Variants in PRKG1 observed in about 807,000 individuals in gnomAD.
PRKG1 encodes cGMP-dependent protein kinase 1.
A neutral mutation model predicts 88.1 loss-of-function variants in PRKG1; 35 were observed. The observed-to-expected ratio is 0.40, with a 90% CI of 0.30 to 0.53. The LOEUF (loss-of-function observed/expected upper bound fraction) is 0.53, where lower values mean the gene tolerates loss of function less well. Among genes scored for constraint, PRKG1 ranks in the 20% least tolerant of loss-of-function variants. The pLI is 0.59. For missense variants in PRKG1, 540 were observed against 839.8 expected, an observed-to-expected ratio of 0.64 and a Z score of 4.41; for synonymous variants, 303 against 292.5, an observed-to-expected ratio of 1.04 and a Z score of -0.37.
intron 3 of PRKG1, among the ~76,000 whole-genome samples, chr10:51,572,003 TG>T (rs1230463203): frequency 6.6e-6 from 1 of 150,834 alleles, no homozygotes; most frequent in Non-Finnish European, 1.5e-5. Flanking sequence ...AGAGAGAAAA[TG>T]GGGTAAGGAT....
chr10:51,210,229 G>A (rs1407477424), intron 2 of PRKG1, among the ~76,000 whole-genome samples: 3 of 152,066 alleles, frequency 2.0e-5, no homozygotes, highest in Admixed American at 1.3e-4. Flanking sequence ...GGTACATAAC[G>A]AAATGAAGGC....
intron 4 of PRKG1, among the ~76,000 whole-genome samples, chr10:51,838,464 T>C (rs1840185286): frequency 6.6e-6 from 1 of 152,180 alleles, no homozygotes; most frequent in African/African-American, 2.4e-5. Context: ...CTGGGCAGTT[T>C]TAGCAGAGTT....
intron 3 of PRKG1, among the ~76,000 whole-genome samples, chr10:51,798,892 C>T (rs1839089895): frequency 6.6e-6 from 1 of 151,966 alleles, no homozygotes; most frequent in African/African-American, 2.4e-5. Context: ...ATGAATGCAG[C>T]ATTCATTATT....
intron 3 of PRKG1, among the ~76,000 whole-genome samples, chr10:51,544,287 T>C (rs1195273421): frequency 6.9e-6 from 1 of 145,704 alleles, no homozygotes; most frequent in Non-Finnish European, 1.5e-5. Flanking sequence ...TTCACACCTA[T>C]GAGTGAGAAC....
chr10:52,013,325 A>C (rs1031506270), intron 5 of PRKG1, among the ~76,000 whole-genome samples: 2 of 151,954 alleles, frequency 1.3e-5, no homozygotes, highest in African/African-American at 4.8e-5. Flanking sequence ...AGGCTGCGGC[A>C]GGAGAATGGT....
chr10:51,090,427 G>A (rs1267798273), intron 1 of PRKG1, among the ~76,000 whole-genome samples: 5 of 152,056 alleles, frequency 3.3e-5, no homozygotes, highest in Non-Finnish European at 7.4e-5. Flanking sequence ...TTCTGTGTGG[G>A]ATAACTGTGG....
intron 2 of PRKG1, among the ~76,000 whole-genome samples, chr10:51,391,083 T>C (rs1837384243): frequency 2.0e-5 from 3 of 152,162 alleles, no homozygotes; most frequent in African/African-American, 7.2e-5. Flanking sequence ...CTGTCCAAGA[T>C]TGTAGAACTT....
intron 2 of PRKG1, among the ~76,000 whole-genome samples, chr10:51,393,014 T>C (rs1444686820): frequency 8.4e-5 from 12 of 142,676 alleles, no homozygotes; most frequent in African/African-American, 2.6e-4. Context: ...CACTCCTCAC[T>C]TCCCAGACGG....
chr10:51,943,384 T>A (rs529942488), intron 5 of PRKG1, among the ~76,000 whole-genome samples: 13,149 of 151,928 alleles, frequency 0.087, 1,636 homozygotes, highest in African/African-American at 0.27. Context: ...AGATATACAA[T>A]CATGTCATCT....
rs1171721093 is a variant in PRKG1 at position 51,488,959 on chromosome 10, C to T, written c.592+21123C>T. Among the ~76,000 whole-genome samples the T allele has an allele frequency of 3.9e-5, 6 of 152,248 alleles. No individual in the cohort carries two copies. The South Asian group carries it at 8.3e-4, about 21-fold the overall frequency. The stretch of plus-strand genomic sequence containing the variant: ...GCCCTCTTCTTCTAGGATATTTCTA[C>T]TAATCACTAAAGGAAAGTGGGATAC... On this transcript the variant is annotated intron_variant, in intron 3 of 17. Coordinates refer to ENST00000373980, the MANE Select transcript of PRKG1 (RefSeq NM_006258.4).
intron 5 of PRKG1, among the ~76,000 whole-genome samples, chr10:51,984,142 A>C (rs529824428): frequency 6.6e-6 from 1 of 152,334 alleles, no homozygotes; most frequent in Non-Finnish European, 1.5e-5. Context: ...TGGGAACCTA[A>C]AGAAAGAAAA....
At chr10:51,656,751 C>A (rs1840170665) in intron 3 of PRKG1, among the ~76,000 whole-genome samples, 1 of 152,216 alleles carries the variant, frequency 6.6e-6, no homozygotes, top group South Asian at 2.1e-4. Context: ...GAGTAGTATT[C>A]ATTTTCCTTC....
At chr10:52,217,365 TACAC>T (rs760139267) in intron 9 of PRKG1, among the ~76,000 whole-genome samples, 1 of 150,662 alleles carries the variant, frequency 6.6e-6, no homozygotes, top group South Asian at 2.1e-4. Context: ...TATATATATA[TACAC>T]ATATACACAC....
intron 3 of PRKG1, among the ~76,000 whole-genome samples, chr10:51,605,590 T>C (rs1439790457): frequency 6.6e-6 from 1 of 152,214 alleles, no homozygotes; most frequent in East Asian, 1.9e-4. Context: ...GAATGTAACA[T>C]ATACTGCTCT....
chr10:51,585,065 A>G (rs534496223), intron 3 of PRKG1, among the ~76,000 whole-genome samples: 9 of 152,246 alleles, frequency 5.9e-5, no homozygotes, highest in East Asian at 1.9e-4. Context: ...TCACCATTCA[A>G]TAGGACTCCT....
rs141571280 is a variant in PRKG1 at position 51,606,269 on chromosome 10, C to CA, written c.592+138434dup. On this transcript the variant is annotated intron_variant, in intron 3 of 17. Transcript: ENST00000373980. Reference sequence around the variant, plus strand: ...AGACTAATTGGGTAACTAGCAACTACATAAAGACAACCTATGGATTTCAAG... The same window carrying CA: ...AGACTAATTGGGTAACTAGCAACTACAATAAAGACAACCTATGGATTTCAAG... Among the ~76,000 whole-genome samples, 1,379 of 152,256 alleles carry CA rather than the reference C, an allele frequency of 9.1e-3. 20 individuals are homozygous for CA. The highest frequency in any genetic ancestry group is 0.031 in the African/African-American group (1,301 of 41,546).
chr10:51,649,707 A>C (rs1839994102), intron 3 of PRKG1, among the ~76,000 whole-genome samples: 1 of 152,006 alleles, frequency 6.6e-6, no homozygotes, highest in Admixed American at 6.6e-5. Flanking sequence ...ACGAAAACAC[A>C]CTCTATAGTG....
chr10:51,247,222 G>A, intron 2 of PRKG1, among the ~76,000 whole-genome samples: 1 of 151,856 alleles, frequency 6.6e-6, no homozygotes, highest in East Asian at 1.9e-4. Flanking sequence ...ATTAGTTTTT[G>A]GTGCACTGGG....
At chr10:51,677,510 T>G (rs150839472) in intron 3 of PRKG1, among the ~76,000 whole-genome samples, 68 of 152,354 alleles carry the variant, frequency 4.5e-4, no homozygotes, top group African/African-American at 1.6e-3. Context: ...GAAGTTATAA[T>G]GTGCTTTTTC....
Sources: allele counts gnomAD v4.1 joint callset (sites outside exome capture counted in the v4.1 genomes callset), GRCh38; gene constraint gnomAD v4.1.1; transcripts MANE v1.5; gene names NCBI Gene and HGNC (gene_info 2026-07-23, HGNC 2026-07-21).